SPAG1: variants seen among roughly 807,000 people sequenced by gnomAD.
The protein encoded by SPAG1 is sperm associated antigen 1.
Under a neutral mutation model 100.5 loss-of-function variants are expected in SPAG1, and 69 were observed. That is an observed-to-expected ratio of 0.69 (90% confidence interval 0.57 to 0.84). SPAG1 has a LOEUF of 0.84. SPAG1 is among the 40% of genes least tolerant of loss of function. The pLI, the probability that SPAG1 is intolerant of heterozygous loss-of-function variation, is 0.00. For missense variants in SPAG1, 955 were observed against 1,133.1 expected, an observed-to-expected ratio of 0.84 and a Z score of 2.26; for synonymous variants, 336 against 411.6, an observed-to-expected ratio of 0.82 and a Z score of 2.22.
At chr8:100,199,494 G>A (rs941215858) in intron 10 of SPAG1, among the ~76,000 whole-genome samples, 1 of 152,142 alleles carries the variant, frequency 6.6e-6, no homozygotes, top group Non-Finnish European at 1.5e-5. Context: ...TGCCCAGGCT[G>A]GAGTGCAATG....
chr8:100,188,317 A>G, intron 8 of SPAG1, among the ~76,000 whole-genome samples: 1 of 151,052 alleles, frequency 6.6e-6, no homozygotes, highest in Non-Finnish European at 1.5e-5. Context: ...ACACCCAGCT[A>G]ATTTTGTTTG....
intron 10 of SPAG1, among the ~76,000 whole-genome samples, chr8:100,212,135 A>C (rs1044960038): frequency 2.6e-5 from 4 of 152,230 alleles, no homozygotes; most frequent in African/African-American, 9.7e-5. Flanking sequence ...AACAGTATTT[A>C]TTAATGTGTT....
chr8:100,184,533 C>T, intron 6 of SPAG1, 95 bp from the exon 7 acceptor site: 1 of 586,236 alleles, frequency 1.7e-6, no homozygotes, highest in South Asian at 2.8e-5. Flanking sequence ...TTTCTGCTTT[C>T]TTCTGCTTCT....
Position 100,240,739 on chromosome 8 carries a change from C to G in SPAG1, c.2617C>G (p.Leu873Val). ...EKDPSLVYQHLLYLSKAERFK... is the reference protein window; with the variant it reads ...EKDPSLVYQHVLYLSKAERFK... ...AGATCCCTCATTGGTGTATCAGCAT[C>G]TTTTATACCTGAGTAAAGCAGAAAG... Residue 873 changes from leucine (L) to valine (V), a missense_variant, in exon 18 of 19, where the codon CTT becomes GTT. By Grantham distance (32) the Leu-to-Val change is conservative. Transcript: ENST00000388798. 1 of 1,607,482 alleles carries G rather than the reference C, an allele frequency of 6.2e-7. No homozygotes were observed. The highest frequency in any genetic ancestry group is 1.1e-5 in the South Asian group (1 of 89,602).
At chr8:100,201,981 C>T (rs1375040120) in intron 10 of SPAG1, among the ~76,000 whole-genome samples, 8 of 152,182 alleles carry the variant, frequency 5.3e-5, no homozygotes, top group Admixed American at 5.2e-4. Context: ...GGAACCCTAA[C>T]TTGAAACCTG....
chr8:100,178,309 G>A (rs570133283), intron 4 of SPAG1, among the ~76,000 whole-genome samples: 1 of 152,020 alleles, frequency 6.6e-6, no homozygotes, highest in Admixed American at 6.6e-5. Flanking sequence ...TAGGGCTACA[G>A]AGGATATATC....
At chr8:100,229,658 G>A (rs1243758282) in intron 14 of SPAG1, among the ~76,000 whole-genome samples, 2 of 152,214 alleles carry the variant, frequency 1.3e-5, no homozygotes, top group Non-Finnish European at 2.9e-5. Context: ...AGGGGTGATA[G>A]CTGAATGAAT....
At chr8:100,203,382 A>G (rs771604022) in intron 10 of SPAG1, among the ~76,000 whole-genome samples, 15 of 152,156 alleles carry the variant, frequency 9.9e-5, no homozygotes, top group Non-Finnish European at 1.6e-4. Context: ...CCTGACTAGT[A>G]TAGATTTTAG....
chr8:100,221,625 C>T (rs1818285547), intron 13 of SPAG1, among the ~76,000 whole-genome samples: 1 of 152,150 alleles, frequency 6.6e-6, no homozygotes, highest in Non-Finnish European at 1.5e-5. Flanking sequence ...CGTCTTTAAA[C>T]ATACTAGAAT....
intron 10 of SPAG1, among the ~76,000 whole-genome samples, chr8:100,203,111 G>A (rs1004324395): frequency 6.6e-6 from 1 of 152,156 alleles, no homozygotes; most frequent in Admixed American, 6.6e-5. Context: ...CTAATCAGCT[G>A]CCAGCAAATA....
At chr8:100,168,953 C>A (rs546940165) in intron 3 of SPAG1, among the ~76,000 whole-genome samples, 11 of 151,744 alleles carry the variant, frequency 7.2e-5, no homozygotes, top group African/African-American at 2.4e-4. Flanking sequence ...TCCCAAAGTG[C>A]GGGGATTACA....
chr8:100,215,329 TAAG>T (rs1445454744), intron 12 of SPAG1, among the ~76,000 whole-genome samples: 1 of 151,912 alleles, frequency 6.6e-6, no homozygotes, highest in African/African-American at 2.4e-5. Flanking sequence ...CATGAAGTAA[TAAG>T]AAGCCCTTTG....
intron 10 of SPAG1, among the ~76,000 whole-genome samples, chr8:100,211,129 A>G (rs766076637): frequency 6.6e-6 from 1 of 151,786 alleles, no homozygotes; most frequent in Non-Finnish European, 1.5e-5. Context: ...CCCGGCCCCA[A>G]ACTTTTATAT....
intron 3 of SPAG1, among the ~76,000 whole-genome samples, chr8:100,169,574 A>G (rs1370722782): frequency 6.6e-6 from 1 of 152,154 alleles, no homozygotes; most frequent in African/African-American, 2.4e-5. Flanking sequence ...CCCCATCTCT[A>G]CTAAATACCA....
intron 10 of SPAG1, among the ~76,000 whole-genome samples, chr8:100,211,290 C>T (rs915926772): frequency 2.0e-5 from 3 of 152,192 alleles, no homozygotes; most frequent in African/African-American, 7.2e-5. Context: ...CCTCTGTTTA[C>T]CTGTCCAGAG....
At chr8:100,164,192 T>G (rs1815441876) in intron 2 of SPAG1, among the ~76,000 whole-genome samples, 1 of 152,102 alleles carries the variant, frequency 6.6e-6, no homozygotes, top group Non-Finnish European at 1.5e-5. Context: ...ATAAAAAAAT[T>G]TATGAACAGA....
At chr8:100,217,425 T>G (rs1335619922) in intron 12 of SPAG1, among the ~76,000 whole-genome samples, 1 of 152,118 alleles carries the variant, frequency 6.6e-6, no homozygotes, top group Non-Finnish European at 1.5e-5. Flanking sequence ...TTTCCAGGGG[T>G]GTGTTTGGAG....
Position 100,241,849 on chromosome 8 carries a change from T to A in SPAG1, c.*827T>A, listed in dbSNP as rs1353350774. 1 of 152,202 alleles carries A rather than the reference T, an allele frequency of 6.6e-6. No individual in the cohort carries two copies. The highest frequency in any genetic ancestry group is 1.9e-4 in the East Asian group (1 of 5,202). 9.4% of individuals were successfully genotyped at this position (152,202 alleles called of 1,614,324 possible). A position where few individuals can be genotyped will look rare whatever the true frequency, so the allele number is the denominator to read the frequency against. On this transcript the variant is annotated 3_prime_UTR_variant, in exon 19 of 19. Coordinates refer to ENST00000388798, the MANE Select transcript of SPAG1 (RefSeq NM_003114.5). This position sits in a 1 kb window ranked among gnomAD's most constrained non-coding sequence, Gnocchi z 5.1. ...ACTGTAAAAGAATATGAAGAACTCA[T>A]ACATGTTGAAAGCTCCTTTGTTGAC...
At chr8:100,179,266 C>T (rs1459434212) in intron 4 of SPAG1, among the ~76,000 whole-genome samples, 1 of 151,920 alleles carries the variant, frequency 6.6e-6, no homozygotes, top group East Asian at 1.9e-4. Flanking sequence ...CCCTGTAATC[C>T]CAGCTATTTG....
Sources: gnomAD v4.1 joint callset for allele counts (sites outside exome capture counted in the v4.1 genomes callset) on GRCh38, gnomAD v4.1.1 for gene constraint, Gnocchi (gnomAD v3.1) non-coding constraint, MANE v1.5 for transcripts, NCBI Gene and HGNC (gene_info 2026-07-23, HGNC 2026-07-21) for gene names.